Variants in THAP2 observed in about 807,000 individuals in gnomAD.
The protein encoded by THAP2 is THAP domain-containing protein 2.
Under a neutral mutation model 18.8 loss-of-function variants are expected in THAP2, and 16 were observed. The ratio of observed to expected loss-of-function variants is 0.85; its 90% CI spans 0.58 to 1.29. The LOEUF is 1.29. THAP2 is among the 50% of genes most tolerant of loss of function. THAP2 has a pLI of 0.00. For synonymous variants in THAP2, 80 were observed against 89.2 expected (o/e 0.90, Z 0.58); for missense variants, 251 against 265.3 (o/e 0.95, Z 0.38).
chr12:71,676,665 A>C, intron 2 of THAP2, 24 bp from the exon 3 acceptor site: 4 of 1,552,556 alleles, frequency 2.6e-6, no homozygotes, highest in Non-Finnish European at 3.5e-6. Flanking sequence ...TTTATGTTCA[A>C]CCCTCTAATT....
At chr12:71,673,548 A>C (rs987085814) in intron 1 of THAP2, among the ~76,000 whole-genome samples, 1 of 152,204 alleles carries the variant, frequency 6.6e-6, no homozygotes, top group East Asian at 1.9e-4. Flanking sequence ...TTTGCTGTTT[A>C]CATACAGTAT....
chr12:71,675,403 A>T lies in THAP2; in HGVS notation c.267+1005A>T, dbSNP rs936834488. ...TAGTATATACTCAAATACTTACTGA[A>T]TTTGAAATACACCTTATTTTTGACA... On this transcript the variant is annotated intron_variant, in intron 2 of 2. Transcript: ENST00000308086. Among the ~76,000 whole-genome samples the T allele has an allele frequency of 3.3e-4, 50 of 152,234 alleles. 1 individual carries two copies. The highest frequency in any genetic ancestry group is 1.0e-3 in the African/African-American group (43 of 41,574).
intron 1 of THAP2, among the ~76,000 whole-genome samples, chr12:71,672,390 CTTTTG>C (rs764862495): frequency 1.3e-5 from 2 of 152,078 alleles, no homozygotes; most frequent in South Asian, 2.1e-4. Context: ...ATTCACCTTC[CTTTTG>C]TTTTATCATA....
chr12:71,664,535 GC>G lies in THAP2; in HGVS notation c.27del (p.Cys10ValfsTer55), dbSNP rs752799799. 2 of 1,614,170 alleles carry G rather than the reference GC, an allele frequency of 1.2e-6. No individual in the cohort carries two copies. The highest frequency in any genetic ancestry group is 3.3e-5 in the Admixed American group (2 of 60,028). ...ATGCCGACCAATTGCGCTGCGGCGGGCTGTGCCACTACCTACAACAAGCACA... is the reference window on the plus strand; with the variant it reads ...ATGCCGACCAATTGCGCTGCGGCGGGTGTGCCACTACCTACAACAAGCACA... MPTNCAAA[G>X]CATTYNKHIN... On this transcript the variant is annotated frameshift_variant, in exon 1 of 3. Transcript: ENST00000308086. LOFTEE classifies it high-confidence loss of function.
chr12:71,665,945 A>G (rs1057054218), intron 1 of THAP2, among the ~76,000 whole-genome samples: 1 of 152,224 alleles, frequency 6.6e-6, no homozygotes, highest in Non-Finnish European at 1.5e-5. Flanking sequence ...TTTCCTTCAC[A>G]GGGAAATCTT....
intron 1 of THAP2, among the ~76,000 whole-genome samples, chr12:71,671,867 G>T (rs146693696): frequency 6.6e-6 from 1 of 152,178 alleles, no homozygotes; most frequent in African/African-American, 2.4e-5. Context: ...TTGGTGGCCA[G>T]GGGCATTGTC....
At chr12:71,664,615 G>A (rs758922307) in intron 1 of THAP2, 35 bp downstream of exon 1, 2 of 1,611,188 alleles carry the variant, frequency 1.2e-6, no homozygotes, top group Non-Finnish European at 1.7e-6. Flanking sequence ...GACGGAAACT[G>A]GAGTTCCTAT....
At chr12:71,667,114 A>G (rs1881356925) in intron 1 of THAP2, among the ~76,000 whole-genome samples, 1 of 152,146 alleles carries the variant, frequency 6.6e-6, no homozygotes, top group Admixed American at 6.5e-5. Flanking sequence ...TAGCCAACTC[A>G]AGTCTTAAGT....
chr12:71,671,359 C>T (rs934746888), intron 1 of THAP2, among the ~76,000 whole-genome samples: 2 of 152,166 alleles, frequency 1.3e-5, no homozygotes, highest in Admixed American at 1.3e-4. Flanking sequence ...GCTGCTTCTA[C>T]AACTTCTTCC....
chr12:71,665,927 C>G (rs1881329776), intron 1 of THAP2, among the ~76,000 whole-genome samples: 2 of 152,206 alleles, frequency 1.3e-5, no homozygotes. Flanking sequence ...TATTAATTTA[C>G]CTATTTTTTT....
rs185988903 is a variant in THAP2 at position 71,680,574 on chromosome 12, T to A, written c.*3466T>A. 8.2e-4 allele frequency: 125 copies of A among 152,658 alleles called. No homozygotes were observed. The highest frequency in any genetic ancestry group is 2.9e-3 in the African/African-American group (121 of 41,572). 9.5% of individuals were successfully genotyped at this position (152,658 alleles called of 1,614,324 possible). ...CTAAAATTGAGGATTTTGTAGTGTA[T>A]ACTAAATAATTGCATATTCAAAAAA... On this transcript the variant is annotated 3_prime_UTR_variant, in exon 3 of 3. Coordinates refer to ENST00000308086, the MANE Select transcript of THAP2 (RefSeq NM_031435.4).
rs1297700977 is a variant in THAP2, at chr12:71,664,514, C to T, written c.5C>T (p.Pro2Leu). M[P>L]TNCAAAGCAT... ...CTGAATGAGTGGGAAAGGGAAATGC[C>T]GACCAATTGCGCTGCGGCGGGCTGT... The change falls in exon 1 of 3, where the codon CCG becomes CTG. Residue 2 changes from proline (P) to leucine (L), a missense_variant. Pro to Leu is a moderately conservative substitution (Grantham distance 98, BLOSUM62 -3). Coordinates refer to ENST00000308086, the MANE Select transcript of THAP2 (RefSeq NM_031435.4). 2.5e-6 allele frequency: 4 copies of T among 1,614,046 alleles called. No individual in the cohort carries two copies. Among genetic ancestry groups the T allele is most frequent in the South Asian group, 2.2e-5 (2 of 91,084 alleles).
In THAP2 at chr12:71,679,950, G is replaced by T. The variant is rs1881575172; in HGVS notation, c.*2842G>T. ...GAACAAATGTGTTAATGGTATCTTT[G>T]TTAAAAGGAAAACATAGCTATAAAT... is the stretch of plus-strand genomic sequence containing the variant. On this transcript the variant is annotated 3_prime_UTR_variant, in exon 3 of 3. Transcript: ENST00000308086. 6.6e-6 allele frequency: 1 copy of T among 152,108 alleles called. No homozygotes were observed. The highest frequency in any genetic ancestry group is 1.5e-5 in the Non-Finnish European group (1 of 67,978). 9.4% of individuals were successfully genotyped at this position (152,108 alleles called of 1,614,324 possible). A position where few individuals can be genotyped will look rare whatever the true frequency, so the allele number is the denominator to read the frequency against.
intron 2 of THAP2, among the ~76,000 whole-genome samples, 189 bp from the exon 3 acceptor site, chr12:71,676,498 CTA>C (rs1172157379): frequency 6.6e-6 from 1 of 152,046 alleles, no homozygotes; most frequent in Non-Finnish European, 1.5e-5. Flanking sequence ...AAATAGGTGA[CTA>C]GAGTTAATTC....
chr12:71,678,236 A>G lies in THAP2; in HGVS notation c.*1128A>G, dbSNP rs965050571. 12 of 152,516 alleles carry G rather than the reference A, an allele frequency of 7.9e-5. No homozygotes were observed. Among genetic ancestry groups the G allele is most frequent in the African/African-American group, 2.9e-4 (12 of 41,432 alleles). 9.4% of individuals were successfully genotyped at this position (152,516 alleles called of 1,614,324 possible). ...ATTGAACCTAGGAGGTTGAGGCTAT[A>G]GTGAGCTGTGATTGCACGACTGCAC... On this transcript the variant is annotated 3_prime_UTR_variant, in exon 3 of 3. Coordinates refer to ENST00000308086, the MANE Select transcript of THAP2 (RefSeq NM_031435.4).
chr12:71,675,698 TGGC>T (rs1462051969), intron 2 of THAP2, among the ~76,000 whole-genome samples: 1 of 152,120 alleles, frequency 6.6e-6, no homozygotes, highest in Non-Finnish European at 1.5e-5. Context: ...AAACTCCCAG[TGGC>T]TTAGTATTGC....
rs186014859 is a variant in THAP2, at chr12:71,673,816, A to C, written c.72-387A>C. ...TTCCTTGACAAAATTTAATCTTTAG[A>C]TATCTGATTTTTCTTGACTACATAT... On this transcript the variant is annotated intron_variant, in intron 1 of 2. Transcript: ENST00000308086. Among the ~76,000 whole-genome samples, 51 of 152,272 alleles carry C rather than the reference A, an allele frequency of 3.3e-4. No homozygotes were observed. The East Asian group carries it at 9.6e-3, about 29-fold the overall frequency.
intron 1 of THAP2, among the ~76,000 whole-genome samples, chr12:71,671,265 T>C (rs951893123): frequency 2.1e-4 from 32 of 152,228 alleles, no homozygotes; most frequent in African/African-American, 7.0e-4. Context: ...TATAGAAGGG[T>C]CCATGTCATA....
rs1881282018 is a variant in THAP2 at position 71,664,319 on chromosome 12, A to G, written c.-191A>G. On this transcript the variant is annotated 5_prime_UTR_variant, in exon 1 of 3. Coordinates refer to ENST00000308086, the MANE Select transcript of THAP2 (RefSeq NM_031435.4). ...GGGCTCTAGTCGGCCATATTAATAA[A>G]GAGAAAGGGAAGGCTGACCGTCCTT... is the stretch of plus-strand genomic sequence containing the variant. 3.2e-5 allele frequency: 20 copies of G among 615,618 alleles called. No homozygotes were observed. In the South Asian group the frequency reaches 3.9e-4, roughly 12 times the overall value. 38.1% of individuals were successfully genotyped at this position (615,618 alleles called of 1,614,324 possible).
Sources: allele counts gnomAD v4.1 joint callset (sites outside exome capture counted in the v4.1 genomes callset), GRCh38; gene constraint gnomAD v4.1.1; transcripts MANE v1.5; gene names NCBI Gene and HGNC (gene_info 2026-07-23, HGNC 2026-07-21).